PTH2R: variants seen among roughly 807,000 people sequenced by gnomAD.
PTH2R encodes PTH2 receptor.
A neutral mutation model predicts 60.3 loss-of-function variants in PTH2R; 59 were observed. The ratio of observed to expected loss-of-function variants is 0.98; its 90% CI spans 0.79 to 1.22. The LOEUF (loss-of-function observed/expected upper bound fraction) is 1.22. Ranked by LOEUF, PTH2R falls within the 50% of genes most tolerant of loss-of-function variation. The pLI is 0.00. For synonymous variants in PTH2R, 256 were observed against 243.8 expected (o/e 1.05, Z -0.47); for missense variants, 749 against 682.6 (o/e 1.10, Z -1.08).
intron 8 of PTH2R, 140 bp downstream of exon 8, chr2:208,450,949 G>C (rs558440768): frequency 3.4e-5 from 30 of 894,132 alleles, no homozygotes; most frequent in Middle Eastern, 2.2e-4. Context: ...TTGATGCGAT[G>C]GTAGCTTCCA....
rs1012911455 is a variant in PTH2R, at chr2:208,394,776, C to T, written c.-258-33425C>T. Among the ~76,000 whole-genome samples the T allele has an allele frequency of 7.2e-5, 11 of 151,970 alleles. No homozygotes were observed. The East Asian group carries it at 9.6e-4, about 13-fold the overall frequency. ...CATTTACCCTTAGAAAAATGGTTCCCGTTAACTTCTGGACTTAAAATTATT... is the reference window on the plus strand; with the variant it reads ...CATTTACCCTTAGAAAAATGGTTCCTGTTAACTTCTGGACTTAAAATTATT... On this transcript the variant is annotated intron_variant, in intron 1 of 12. Coordinates refer to the PTH2R transcript ENST00000617735.
chr2:208,388,141 C>CCCA lies in PTH2R; in HGVS notation c.-259+27906_-259+27907insACC, dbSNP rs1553541039. Among the ~76,000 whole-genome samples, 8 of 150,418 alleles carry CCCA rather than the reference C, an allele frequency of 5.3e-5. 1 individual carries two copies. The highest frequency in any genetic ancestry group is 5.3e-4 in the Admixed American group (8 of 15,140). ...TGGCTAACATGGTGAAACCCCCCCC[C>CCCA]CCGTCTCTACTAAAAATACAAAAAA... On this transcript the variant is annotated intron_variant, in intron 1 of 12. Coordinates refer to the PTH2R transcript ENST00000617735.
rs1258955394 is a variant in PTH2R at position 208,428,273 on chromosome 2, C to T, written c.148C>T (p.Leu50Phe). 1 of 1,612,936 alleles carries T rather than the reference C, an allele frequency of 6.2e-7. No individual in the cohort carries two copies. The highest frequency in any genetic ancestry group is 2.2e-5 in the East Asian group (1 of 44,882). Residue 50 changes from leucine (L) to phenylalanine (F), a missense_variant, in exon 2 of 13, where the codon CTC (leucine) becomes TTC (phenylalanine). Physicochemically the swap from Leu to Phe is conservative, Grantham distance 22. Transcript: ENST00000272847. Reference sequence around the variant, plus strand: ...GCTGAAAGCGAAAGTACAATGTGAACTCAACATCACAGCTCAACTCCAGGA... The same window carrying T: ...GCTGAAAGCGAAAGTACAATGTGAATTCAACATCACAGCTCAACTCCAGGA... ...LVLKAKVQCE[L>F]NITAQLQEGE... is the part of the protein sequence containing the mutation.
chr2:208,417,042 GA>G (rs1701654769), intron 1 of PTH2R, among the ~76,000 whole-genome samples: 1 of 152,080 alleles, frequency 6.6e-6, no homozygotes, highest in South Asian at 2.1e-4. Context: ...ATGAAGATTG[GA>G]AAAGAAAGAA....
rs1701903117 is a variant in PTH2R at position 208,428,461 on chromosome 2, C to G, written c.178+158C>G. Among the ~76,000 whole-genome samples, 7 of 152,348 alleles carry G rather than the reference C, an allele frequency of 4.6e-5. 1 individual carries two copies. In the South Asian group the frequency reaches 1.4e-3, roughly 32 times the overall value. On this transcript the variant is annotated intron_variant, in intron 2 of 12. Transcript: ENST00000272847. ...AGCAGAACAACAACACTCTTTTCAT[C>G]TCTACCCTACATGCTTTTCCTTCCC...
intron 1 of PTH2R, among the ~76,000 whole-genome samples, chr2:208,381,675 A>T (rs1289090751): frequency 6.6e-6 from 1 of 152,138 alleles, no homozygotes; most frequent in Non-Finnish European, 1.5e-5. Flanking sequence ...AGCCTTTTAT[A>T]GTAATTATTT....
At chr2:208,492,404 G>T (rs1276802334) in intron 12 of PTH2R, among the ~76,000 whole-genome samples, 1 of 152,154 alleles carries the variant, frequency 6.6e-6, no homozygotes, top group Non-Finnish European at 1.5e-5. Context: ...TCACACAGAA[G>T]TGATTTGGGC....
chr2:208,411,246 G>A (rs1247525338), intron 1 of PTH2R, among the ~76,000 whole-genome samples: 1 of 152,172 alleles, frequency 6.6e-6, no homozygotes, highest in Non-Finnish European at 1.5e-5. Context: ...GTGGAAACTA[G>A]GGACTGTCTT....
rs1702390094 is a variant in PTH2R at position 208,450,755 on chromosome 2, C to T, written c.860C>T (p.Pro287Leu). 1 of 1,613,780 alleles carries T rather than the reference C, an allele frequency of 6.2e-7. No individual in the cohort carries two copies. The highest frequency in any genetic ancestry group is 8.5e-7 in the Non-Finnish European group (1 of 1,179,814). Residue 287 changes from proline (P) to leucine (L), a missense_variant, in exon 8 of 13, where the codon CCA becomes CTA. Transcript: ENST00000272847. Reference protein sequence around the residue: ...WGFILIGWGFPAAFVAAWAVA... With the variant: ...WGFILIGWGFLAAFVAAWAVA... ...AATCATTTTCTGATTTCAGGGTTTC[C>T]AGCAGCATTTGTTGCAGCATGGGCT...
chr2:208,454,762 C>T (rs1702476935), intron 8 of PTH2R, among the ~76,000 whole-genome samples: 1 of 152,124 alleles, frequency 6.6e-6, no homozygotes, highest in South Asian at 2.1e-4. Flanking sequence ...ATTTAATATC[C>T]ACAGATTGTG....
chr2:208,460,420 T>C (rs1046183530), intron 9 of PTH2R, among the ~76,000 whole-genome samples: 2 of 152,084 alleles, frequency 1.3e-5, no homozygotes, highest in Admixed American at 6.6e-5. Context: ...TGGCATACTT[T>C]CCCCAAGGAG....
At chr2:208,465,880 A>G (rs959763217) in intron 9 of PTH2R, among the ~76,000 whole-genome samples, 8 of 152,044 alleles carry the variant, frequency 5.3e-5, no homozygotes, top group African/African-American at 1.9e-4. Context: ...GCTGTCAAGA[A>G]ATTTTTTTTT....
At chr2:208,459,983 G>T in intron 9 of PTH2R, 22 bp downstream of exon 9, 11 of 1,601,248 alleles carry the variant, frequency 6.9e-6, no homozygotes, top group Non-Finnish European at 9.4e-6. Context: ...AGTTTGTATA[G>T]TTAAAAAAGG....
At chr2:208,379,199 G>T (rs1027862722) in intron 1 of PTH2R, among the ~76,000 whole-genome samples, 1 of 152,146 alleles carries the variant, frequency 6.6e-6, no homozygotes, top group Non-Finnish European at 1.5e-5. Context: ...TTGGGCAGCA[G>T]CTGGTTTCTG....
chr2:208,490,581 G>A (rs1703381274), intron 11 of PTH2R, 58 bp from the exon 12 acceptor site: 2 of 1,558,150 alleles, frequency 1.3e-6, no homozygotes, highest in Non-Finnish European at 1.7e-6. Context: ...GGCACAAGAT[G>A]CTTAAGTGCT....
chr2:208,394,167 A>G (rs1002735170), intron 1 of PTH2R, among the ~76,000 whole-genome samples: 2 of 152,210 alleles, frequency 1.3e-5, no homozygotes, highest in African/African-American at 4.8e-5. Context: ...TTTGGATAAT[A>G]CTAAAATCAA....
upstream of PTH2R, among the ~76,000 whole-genome samples, chr2:208,405,340 A>G (rs1701382175): frequency 6.6e-6 from 1 of 152,232 alleles, no homozygotes; most frequent in African/African-American, 2.4e-5. Context: ...GCTAAGGAAG[A>G]AATTATAAAA....
intron 1 of PTH2R, among the ~76,000 whole-genome samples, chr2:208,367,184 C>T (rs566183686): frequency 2.0e-5 from 3 of 152,036 alleles, no homozygotes; most frequent in Admixed American, 6.5e-5. Context: ...GCCTCTGCCT[C>T]CTGGGTTCAA....
At chr2:208,360,413 C>T (rs1260537953) in intron 1 of PTH2R, among the ~76,000 whole-genome samples, 1 of 152,150 alleles carries the variant, frequency 6.6e-6, no homozygotes, top group Non-Finnish European at 1.5e-5. Flanking sequence ...GTTACTTGGT[C>T]CTGAGGTCCT....
Sources: allele counts gnomAD v4.1 joint callset (sites outside exome capture counted in the v4.1 genomes callset), GRCh38; gene constraint gnomAD v4.1.1; transcripts MANE v1.5; gene names NCBI Gene and HGNC (gene_info 2026-07-23, HGNC 2026-07-21).